AMER1: variants seen among roughly 807,000 people sequenced by gnomAD.
AMER1 encodes the protein RP11-403E24.2.
Under a neutral mutation model 53.0 loss-of-function variants are expected in AMER1, and 16 were observed. That is an observed-to-expected ratio of 0.30 (90% confidence interval 0.20 to 0.46). AMER1 has a LOEUF of 0.46. Among genes scored for constraint, AMER1 ranks in the 20% least tolerant of loss-of-function variants. The pLI, the probability that AMER1 is intolerant of heterozygous loss-of-function variation, is 1.00. For missense variants in AMER1, 947 were observed against 884.9 expected, an observed-to-expected ratio of 1.07 and a Z score of -0.89; for synonymous variants, 354 against 331.9, an observed-to-expected ratio of 1.07 and a Z score of -0.73.
In AMER1 at chrX:64,188,947, A is replaced by G. The variant is rs929351735; in HGVS notation, c.*932T>C. 7.4e-6 allele frequency: 6 copies of G among 806,200 alleles called. No homozygotes were observed. In the African/African-American group the frequency reaches 8.7e-5, roughly 12 times the overall value. The allele number at this position is 806,200 out of a possible 1,213,427, so 66.4% of individuals were successfully genotyped here. A position where few individuals can be genotyped will look rare whatever the true frequency, so the allele number is the denominator to read the frequency against. On this transcript the variant is annotated 3_prime_UTR_variant, in exon 2 of 2. Transcript: ENST00000374869. ...AAAAATTCAAAAGCATCTGCAACTCAGGTAGTCACAAGCTTAAAAGAAGGA... is the reference window on the plus strand; with the variant it reads ...AAAAATTCAAAAGCATCTGCAACTCGGGTAGTCACAAGCTTAAAAGAAGGA...
chrX:64,188,469 C>T lies in AMER1; in HGVS notation c.*1410G>A. 1 of 804,474 alleles carries T rather than the reference C, an allele frequency of 1.2e-6. No homozygotes were observed. Among genetic ancestry groups the T allele is most frequent in the Non-Finnish European group, 1.5e-6 (1 of 670,153 alleles). The allele number at this position is 804,474 out of a possible 1,213,427, so 66.3% of individuals were successfully genotyped here. A position where few individuals can be genotyped will look rare whatever the true frequency, so the allele number is the denominator to read the frequency against. On this transcript the variant is annotated 3_prime_UTR_variant, in exon 2 of 2. Coordinates refer to ENST00000374869, the MANE Select transcript of AMER1 (RefSeq NM_152424.4). ...ATGCAGGAGAAGGGAGGGTGCCATT[C>T]ATTCCATAAAGGGCTGCAACTGCCA...
At chrX:64,202,091 G>A (rs1386525237) in intron 1 of AMER1, among the ~76,000 whole-genome samples, 3 of 112,167 alleles carry the variant, frequency 2.7e-5, no homozygotes, top group Non-Finnish European at 5.6e-5. Context: ...ACCCGGCTAG[G>A]CCTCCCAAAG....
At position 64,190,246 on chromosome X, in the gene AMER1, C is replaced by G. The variant is rs959631746; in HGVS notation, c.3041G>C (p.Gly1014Ala). The G allele has an allele frequency of 6.6e-6, 8 of 1,210,582 alleles. No homozygotes were observed. The highest frequency in any genetic ancestry group is 8.9e-6 in the Non-Finnish European group (8 of 895,262). The change falls in exon 2 of 2, where the codon GGG (glycine) becomes GCG (alanine). Residue 1014 changes from glycine (G) to alanine (A), a missense_variant. Transcript: ENST00000374869. The stretch of plus-strand genomic sequence containing the variant: ...ACGAGCTAGTTGAGGCCCAGATTCC[C>G]CAGGTGCCCTTGACTCTGGCACTGA... ...SLSVPESRAP[G>A]ESGPQLARPS...
At chrX:64,195,124 T>C (rs1930339800) in intron 1 of AMER1, among the ~76,000 whole-genome samples, 1 of 111,582 alleles carries the variant, frequency 9.0e-6, no homozygotes, top group Admixed American at 9.5e-5. Flanking sequence ...GCCCTGCAAC[T>C]GATAGTCCCA....
Position 64,191,166 on chromosome X carries a change from T to C in AMER1, c.2121A>G (p.Gly707=), listed in dbSNP as rs2147086748. 1 of 1,212,161 alleles carries C rather than the reference T, an allele frequency of 8.2e-7. No homozygotes were observed. ...TACTTTGATCTTTCTTGGAGCAGGT[T>C]CCTTCATAACGCTTCTCCAGAGGAC... ...DFRPLEKRYE[G]TCSKKDQSTC... is the part of the protein sequence containing the mutation. The change falls in exon 2 of 2, where the codon GGA becomes GGG. Residue 707 remains glycine (G), a synonymous_variant. Coordinates refer to ENST00000374869, the MANE Select transcript of AMER1 (RefSeq NM_152424.4).
chrX:64,192,093 C>T lies in AMER1; in HGVS notation c.1194G>A (p.Lys398=), dbSNP rs1215523745. ...VELEEEEEEV[K]EEEEDDDLEY... ...CTAAGTCATCATCTTCTTCCTCCTCCTTAACCTCCTCTTCTTCCTCCTCTA... is the reference window on the plus strand; with the variant it reads ...CTAAGTCATCATCTTCTTCCTCCTCTTTAACCTCCTCTTCTTCCTCCTCTA... Residue 398 remains lysine (K), a synonymous_variant, in exon 2 of 2, where the codon AAG becomes AAA. Transcript: ENST00000374869. 3 of 1,211,273 alleles carry T rather than the reference C, an allele frequency of 2.5e-6. No homozygotes were observed. Among genetic ancestry groups the T allele is most frequent in the Non-Finnish European group, 3.4e-6 (3 of 894,998 alleles).
rs1930135203 is a variant in AMER1 at position 64,187,581 on chromosome X, C to T, written c.*2298G>A. 5.1e-6 allele frequency: 4 copies of T among 777,641 alleles called. No homozygotes were observed. In the South Asian group the frequency reaches 2.0e-4, roughly 39 times the overall value. The allele number at this position is 777,641 out of a possible 1,213,427, so 64.1% of individuals were successfully genotyped here. ...AGATAGGCTGGTGGCCCTTCTCCAG[C>T]AGGGTCTGGAGGCTGGTGATGGCTC... On this transcript the variant is annotated 3_prime_UTR_variant, in exon 2 of 2. Coordinates refer to ENST00000374869, the MANE Select transcript of AMER1 (RefSeq NM_152424.4).
At chrX:64,199,028 T>A (rs73516469) in intron 1 of AMER1, among the ~76,000 whole-genome samples, 206 of 112,537 alleles carry the variant, frequency 1.8e-3, no homozygotes, top group African/African-American at 6.3e-3. Context: ...AAGGGCTGCT[T>A]GGCTTGGTTG....
intron 1 of AMER1, among the ~76,000 whole-genome samples, chrX:64,200,249 C>T (rs1330134936): frequency 8.9e-6 from 1 of 112,476 alleles, no homozygotes; most frequent in South Asian, 3.7e-4. Flanking sequence ...CCCCACCCCC[C>T]GTTCAAATGA....
chrX:64,191,238 T>A lies in AMER1; in HGVS notation c.2049A>T (p.Ser683=). Residue 683 remains serine (S), a synonymous_variant, in exon 2 of 2, where the codon TCA becomes TCT. Transcript: ENST00000374869. ...TSQISHRGIT[S]AFPTTASSEP... ...CGCTGCTTGCAGTGGTGGGGAAAGCTGAGGTAATTCCCCGGTGGGAAATCT... is the reference window on the plus strand; with the variant it reads ...CGCTGCTTGCAGTGGTGGGGAAAGCAGAGGTAATTCCCCGGTGGGAAATCT... 3 of 1,211,847 alleles carry A rather than the reference T, an allele frequency of 2.5e-6. No homozygotes were observed. Among genetic ancestry groups the A allele is most frequent in the Non-Finnish European group, 3.4e-6 (3 of 895,502 alleles).
In AMER1 at chrX:64,187,086, G is replaced by GT; in HGVS notation, c.*2792dup. On this transcript the variant is annotated 3_prime_UTR_variant, in exon 2 of 2. Transcript: ENST00000374869. ...ATCAACAGTTTTAGTGGTCTGGGGT[G>GT]TATTTGCTGCCACCCAAGCCAGCAC... 1.3e-6 allele frequency: 1 copy of GT among 782,244 alleles called. No homozygotes were observed. Among genetic ancestry groups the GT allele is most frequent in the East Asian group, 8.4e-5 (1 of 11,858 alleles). 64.5% of individuals were successfully genotyped at this position (782,244 alleles called of 1,213,427 possible).
In AMER1 at chrX:64,189,652, T is replaced by C. The variant is rs903701619; in HGVS notation, c.*227A>G. The C allele has an allele frequency of 1.0e-4, 106 of 1,012,728 alleles. No homozygotes were observed. Among genetic ancestry groups the C allele is most frequent in the Non-Finnish European group, 1.3e-4 (103 of 802,796 alleles). The allele number at this position is 1,012,728 out of a possible 1,213,427, so 83.5% of individuals were successfully genotyped here. A position where few individuals can be genotyped will look rare whatever the true frequency, so the allele number is the denominator to read the frequency against. ...GAAACCTCGAAAGCAAAAACTGGAGTGCAGTAGCAGCAGCAGCCTCCCTGG... is the reference window on the plus strand; with the variant it reads ...GAAACCTCGAAAGCAAAAACTGGAGCGCAGTAGCAGCAGCAGCCTCCCTGG... On this transcript the variant is annotated 3_prime_UTR_variant, in exon 2 of 2. Transcript: ENST00000374869.
rs1180677524 is a variant in AMER1, at chrX:64,187,873, C to T, written c.*2006G>A. On this transcript the variant is annotated 3_prime_UTR_variant, in exon 2 of 2. Coordinates refer to ENST00000374869, the MANE Select transcript of AMER1 (RefSeq NM_152424.4). ...CACCCTCTTTCATTCTCCAGCTCCA[C>T]AACAGATACATTTCTTCACAATGTA... 1.3e-6 allele frequency: 1 copy of T among 775,540 alleles called. No homozygotes were observed. Among genetic ancestry groups the T allele is most frequent in the Non-Finnish European group, 1.5e-6 (1 of 652,600 alleles). The allele number at this position is 775,540 out of a possible 1,213,427, so 63.9% of individuals were successfully genotyped here.
rs775489804 is a variant in AMER1, at chrX:64,191,816, G to A, written c.1471C>T (p.Arg491Cys). 1.7e-5 allele frequency: 21 copies of A among 1,209,775 alleles called. No homozygotes were observed. In the East Asian group the frequency reaches 3.3e-4, roughly 19 times the overall value. The change falls in exon 2 of 2, where the codon CGC becomes TGC. Residue 491 changes from arginine (R) to cysteine (C), a missense_variant. Physicochemically the swap from Arg to Cys is radical, Grantham distance 180. Transcript: ENST00000374869. ...CTGTCTCGGGGTAGACAATCCCTGCGGACAAGCCCCAGGGCCTCACCTGAA... is the reference window on the plus strand; with the variant it reads ...CTGTCTCGGGGTAGACAATCCCTGCAGACAAGCCCCAGGGCCTCACCTGAA... ...DDSGEALGLVRRDCLPRDSYS... is the reference protein window; with the variant it reads ...DDSGEALGLVCRDCLPRDSYS...
chrX:64,202,279 C>T (rs1047895838), intron 1 of AMER1, among the ~76,000 whole-genome samples: 10 of 112,025 alleles, frequency 8.9e-5, no homozygotes, highest in South Asian at 7.5e-4. Context: ...AGACATTAAA[C>T]GAGTGAGAGG....
chrX:64,191,366 G>T lies in AMER1; in HGVS notation c.1921C>A (p.Arg641=), dbSNP rs2147087148. 8.3e-7 allele frequency: 1 copy of T among 1,211,621 alleles called. No homozygotes were observed. The change falls in exon 2 of 2, where the codon CGA becomes AGA. Residue 641 remains arginine, a synonymous_variant. Transcript: ENST00000374869. ...TTCTCCTGCCGGGCCTGGGTCTCTC[G>T]GACTTGAGTCTCTCTACAACGAACC... ...REVRCRETQV[R]ETQARQEKPV...
rs772303000 is a variant in AMER1, at chrX:64,189,806, C to T, written c.*73G>A. 4.3e-6 allele frequency: 4 copies of T among 937,188 alleles called. No individual in the cohort carries two copies. Among genetic ancestry groups the T allele is most frequent in the Admixed American group, 3.9e-5 (1 of 25,365 alleles). 77.2% of individuals were successfully genotyped at this position (937,188 alleles called of 1,213,427 possible). On this transcript the variant is annotated 3_prime_UTR_variant, in exon 2 of 2. Coordinates refer to ENST00000374869, the MANE Select transcript of AMER1 (RefSeq NM_152424.4). ...AGTTAAACAACAACCCCCACCCCCC[C>T]ACCCTTCTGCCCAACCCCTGATCCC...
chrX:64,199,320 T>C (rs1930438924), intron 1 of AMER1, among the ~76,000 whole-genome samples: 2 of 112,160 alleles, frequency 1.8e-5, no homozygotes, highest in Non-Finnish European at 3.8e-5. Flanking sequence ...TCACTACAAC[T>C]AGCACACAGC....
rs1328313050 is a variant in AMER1, at chrX:64,192,989, T to G, written c.298A>C (p.Ser100Arg). Residue 100 changes from serine to arginine, a missense_variant, in exon 2 of 2, where the codon AGT becomes CGT. Transcript: ENST00000374869. ...LSKSKTHDGL[S>R]EAAHGPEDVV... ...TCTTCAGGGCCATGGGCTGCTTCAC[T>G]CAGGCCATCGTGGGTCTTGCTCTTG... 1.7e-6 allele frequency: 2 copies of G among 1,211,863 alleles called. No homozygotes were observed. Among genetic ancestry groups the G allele is most frequent in the Non-Finnish European group, 2.2e-6 (2 of 895,531 alleles).
Sources: gnomAD v4.1 joint callset for allele counts (sites outside exome capture counted in the v4.1 genomes callset) on GRCh38, gnomAD v4.1.1 for gene constraint, MANE v1.5 for transcripts, NCBI Gene and HGNC (gene_info 2026-07-23, HGNC 2026-07-21) for gene names.